The following VPS13B variants were observed in gnomAD, a reference collection of about 807,000 sequenced individuals.
The protein encoded by VPS13B is intermembrane lipid transfer protein VPS13B.
In VPS13B, 285 loss-of-function variants were observed where a neutral mutation model predicts 426.4. The observed-to-expected ratio is 0.67, with a 90% CI of 0.61 to 0.74. VPS13B has a LOEUF of 0.74. Among genes scored for constraint, VPS13B ranks in the 30% least tolerant of loss-of-function variants. The pLI, the probability that VPS13B is intolerant of heterozygous loss-of-function variation, is 0.00. For missense variants in VPS13B, 4,537 were observed against 4,782.6 expected, an observed-to-expected ratio of 0.95 and a Z score of 1.51; for synonymous variants, 1,676 against 1,676.4, an observed-to-expected ratio of 1.00 and a Z score of 0.01.
chr8:99,736,026 T>C (rs1588666885), intron 39 of VPS13B, among the ~76,000 whole-genome samples: 2 of 152,222 alleles, frequency 1.3e-5, no homozygotes, highest in South Asian at 4.1e-4. Flanking sequence ...TTAAGTTCCA[T>C]AGCAGTAGAG....
chr8:99,072,599 A>G (rs1026535213), intron 3 of VPS13B, among the ~76,000 whole-genome samples: 1 of 152,208 alleles, frequency 6.6e-6, no homozygotes, highest in African/African-American at 2.4e-5. Context: ...GTGGTTTAAC[A>G]TAATACCATT....
At position 99,784,290 on chromosome 8, in the gene VPS13B, G is replaced by A; in HGVS notation, c.7780-25G>A. On this transcript the variant is annotated intron_variant, in intron 42 of 61. Transcript: ENST00000357162. ...TCTTACAATTAATCCGATCCATGTT[G>A]GCTTTCGTATCCTTTTTCTTTCAGA... 1 of 1,613,446 alleles carries A rather than the reference G, an allele frequency of 6.2e-7. No homozygotes were observed. The highest frequency in any genetic ancestry group is 8.5e-7 in the Non-Finnish European group (1 of 1,179,540).
chr8:99,390,838 A>T (rs769266363), intron 20 of VPS13B, among the ~76,000 whole-genome samples: 1 of 152,204 alleles, frequency 6.6e-6, no homozygotes, highest in East Asian at 1.9e-4. Context: ...ACAAAATTGT[A>T]TTGGGCATCA....
At chr8:99,116,932 T>C (rs577042282) in intron 7 of VPS13B, among the ~76,000 whole-genome samples, 1 of 152,350 alleles carries the variant, frequency 6.6e-6, no homozygotes, top group African/African-American at 2.4e-5. Context: ...TTTCTTTCCC[T>C]TAGAATTTTA....
At chr8:99,637,307 C>T (rs1829111676) in intron 33 of VPS13B, among the ~76,000 whole-genome samples, 1 of 151,922 alleles carries the variant, frequency 6.6e-6, no homozygotes, top group Non-Finnish European at 1.5e-5. Flanking sequence ...AAATATGTCT[C>T]AAAATCATCA....
chr8:99,699,541 T>C lies in VPS13B; in HGVS notation c.6063T>C (p.Asp2021=), dbSNP rs919026637. 3.7e-6 allele frequency: 6 copies of C among 1,613,808 alleles called. No homozygotes were observed. Among genetic ancestry groups the C allele is most frequent in the Non-Finnish European group, 5.1e-6 (6 of 1,179,998 alleles). Residue 2021 remains aspartate (D), a synonymous_variant, in exon 36 of 62, where the codon GAT becomes GAC. Transcript: ENST00000357162. ...FLNGPADVNL[D]ISKPLKANLS... is the part of the protein sequence containing the mutation. ...CTTCTATAGCGGATGTCAATTTGGA[T>C]ATATCAAAGCCTTTGAAAGCAAACC...
At position 99,757,346 on chromosome 8, in the gene VPS13B, G is replaced by A. The variant is rs531102486; in HGVS notation, c.7051-9428G>A. ...ACCTGATAGGCTACATCAGTTGCTA[G>A]ATCTCCCCTCTCTACCTACCAACTC... On this transcript the variant is annotated intron_variant, in intron 39 of 61. Coordinates refer to ENST00000357162, the MANE Select transcript of VPS13B (RefSeq NM_152564.5). Among the ~76,000 whole-genome samples the A allele has an allele frequency of 2.0e-5, 3 of 152,256 alleles. No homozygotes were observed. The East Asian group carries it at 5.8e-4, about 29-fold the overall frequency.
At chr8:99,362,315 T>A (rs1029661408) in intron 19 of VPS13B, among the ~76,000 whole-genome samples, 4 of 151,940 alleles carry the variant, frequency 2.6e-5, no homozygotes, top group South Asian at 4.1e-4. Context: ...TAATTTTTTT[T>A]ATATTTTTAG....
intron 30 of VPS13B, among the ~76,000 whole-genome samples, chr8:99,546,250 C>T (rs990218656): frequency 3.2e-4 from 48 of 151,754 alleles, no homozygotes; most frequent in African/African-American, 1.1e-3. Flanking sequence ...TATACCACAT[C>T]TAAAGGTTTT....
At chr8:99,541,420 T>G (rs1456927195) in intron 30 of VPS13B, among the ~76,000 whole-genome samples, 1 of 152,104 alleles carries the variant, frequency 6.6e-6, no homozygotes, top group Non-Finnish European at 1.5e-5. Context: ...CCGTGGTGGT[T>G]TGCTGCACCT....
At chr8:99,757,502 G>C (rs1810700169) in intron 39 of VPS13B, among the ~76,000 whole-genome samples, 2 of 152,176 alleles carry the variant, frequency 1.3e-5, no homozygotes, top group African/African-American at 4.8e-5. Context: ...GTGGAGAAAG[G>C]GGTAATGGCC....
chr8:99,683,864 T>A (rs1324198910), intron 35 of VPS13B, among the ~76,000 whole-genome samples: 1 of 152,208 alleles, frequency 6.6e-6, no homozygotes, highest in Non-Finnish European at 1.5e-5. Flanking sequence ...TGTCTATGAT[T>A]TCCAATACTA....
intron 14 of VPS13B, among the ~76,000 whole-genome samples, chr8:99,155,165 T>C (rs1811292847): frequency 2.0e-5 from 3 of 151,940 alleles, no homozygotes; most frequent in Admixed American, 2.0e-4. Context: ...ATTTGAACAC[T>C]AACCAAAAGA....
intron 30 of VPS13B, among the ~76,000 whole-genome samples, chr8:99,523,447 G>A (rs572328187): frequency 3.9e-5 from 6 of 152,318 alleles, no homozygotes; most frequent in South Asian, 4.1e-4. Context: ...CTGACCCAGC[G>A]CAGTCCCAAT....
chr8:99,131,864 G>T (rs1809821479), intron 8 of VPS13B, among the ~76,000 whole-genome samples: 2 of 152,100 alleles, frequency 1.3e-5, no homozygotes, highest in African/African-American at 4.8e-5. Context: ...TTTCTCTGTA[G>T]CATGGGATGC....
chr8:99,311,677 C>T (rs1416699489), intron 19 of VPS13B, among the ~76,000 whole-genome samples: 1 of 152,142 alleles, frequency 6.6e-6, no homozygotes, highest in African/African-American at 2.4e-5. Flanking sequence ...CTGTAGATGT[C>T]TATTAAGTCC....
chr8:99,617,709 G>A (rs1828156649), intron 33 of VPS13B, among the ~76,000 whole-genome samples: 1 of 152,156 alleles, frequency 6.6e-6, no homozygotes, highest in African/African-American at 2.4e-5. Context: ...CTCCTGTAAG[G>A]AACAAGAAAA....
At chr8:99,240,617 T>C (rs1295030473) in intron 17 of VPS13B, among the ~76,000 whole-genome samples, 3 of 152,190 alleles carry the variant, frequency 2.0e-5, no homozygotes, top group African/African-American at 7.2e-5. Flanking sequence ...TTCCAAACAT[T>C]AACTGTTTGA....
At chr8:99,386,253 A>G (rs898702562) in intron 20 of VPS13B, among the ~76,000 whole-genome samples, 2 of 152,238 alleles carry the variant, frequency 1.3e-5, no homozygotes, top group African/African-American at 4.8e-5. Flanking sequence ...GATACCAAGC[A>G]TATTAAAATA....
Sources: gnomAD v4.1 joint callset for allele counts (sites outside exome capture counted in the v4.1 genomes callset) on GRCh38, gnomAD v4.1.1 for gene constraint, MANE v1.5 for transcripts, NCBI Gene and HGNC (gene_info 2026-07-23, HGNC 2026-07-21) for gene names.